Variants in RGS12 observed in about 807,000 individuals in gnomAD.
RGS12 encodes the protein regulator of G protein signaling 12.
A neutral mutation model predicts 120.1 loss-of-function variants in RGS12; 66 were observed. The ratio of observed to expected loss-of-function variants is 0.55; its 90% CI spans 0.45 to 0.67. The LOEUF (loss-of-function observed/expected upper bound fraction) is 0.67, where lower values mean the gene tolerates loss of function less well. Among genes scored for constraint, RGS12 ranks in the 30% least tolerant of loss-of-function variants. RGS12 has a pLI of 0.00. For missense variants in RGS12, 1,859 were observed against 1,957.7 expected (o/e 0.95, Z 0.95); for synonymous variants, 827 against 804.7 (o/e 1.03, Z -0.47).
intron 3 of RGS12, 129 bp from the exon 4 acceptor site, chr4:3,386,287 C>T (rs1718845998): frequency 4.6e-6 from 4 of 869,816 alleles, no homozygotes; most frequent in African/African-American, 3.4e-5. Context: ...TCCCGGGACA[C>T]CTCCACCTGG....
rs1196239736 is a variant in RGS12 at position 3,389,298 on chromosome 4, G to A, written c.2020+2861G>A. 1.3e-5 allele frequency among the ~76,000 whole-genome samples: 2 copies of A among 152,132 alleles called. No homozygotes were observed. Among genetic ancestry groups the A allele is most frequent in the Non-Finnish European group, 1.5e-5 (1 of 68,016 alleles). On this transcript the variant is annotated intron_variant, in intron 4 of 17. Coordinates refer to ENST00000336727, the MANE Select transcript of RGS12 (RefSeq NM_001394154.1). This position sits in a 1 kb window ranked among gnomAD's most constrained non-coding sequence, Gnocchi z 5.2. ...GTTACAGCTGGTCTCTGGGGGGCAC[G>A]GCAGGGCTGTGGGTGGGGGCAGGGA...
chr4:3,327,811 A>G (rs1414121702), intron 2 of RGS12, among the ~76,000 whole-genome samples: 1 of 152,238 alleles, frequency 6.6e-6, no homozygotes, highest in East Asian at 1.9e-4. Flanking sequence ...TACAACCTCC[A>G]TGGAAAACAG....
intron 3 of RGS12, among the ~76,000 whole-genome samples, chr4:3,367,296 C>T (rs767921775): frequency 6.6e-5 from 10 of 152,378 alleles, no homozygotes; most frequent in Middle Eastern, 6.8e-3. Context: ...GGGCTGAGAA[C>T]GGCTCGCCCT....
intron 3 of RGS12, among the ~76,000 whole-genome samples, chr4:3,380,664 C>A: frequency 6.6e-6 from 1 of 152,250 alleles, no homozygotes; most frequent in Admixed American, 6.5e-5. Context: ...GGCTTTCACC[C>A]TCTGAAGCAA....
chr4:3,299,522 G>T (rs1723560005), intron 1 of RGS12, among the ~76,000 whole-genome samples: 1 of 152,140 alleles, frequency 6.6e-6, no homozygotes, highest in Admixed American at 6.5e-5. Context: ...TGTCTGGTTG[G>T]AACTTGATTT....
chr4:3,370,061 C>G (rs1009681593), intron 3 of RGS12: 1 of 1,262,942 alleles, frequency 7.9e-7, no homozygotes, highest in Non-Finnish European at 1.0e-6. Flanking sequence ...ATGTAAACGG[C>G]GCTTCTTTCT....
At chr4:3,422,669 G>A (rs1412405225) in intron 11 of RGS12, 99 bp downstream of exon 11, 9 of 1,335,616 alleles carry the variant, frequency 6.7e-6, no homozygotes, top group Admixed American at 2.2e-5. Context: ...CCCCTCCTGC[G>A]CTCCTCATTT....
chr4:3,336,123 A>G (rs1418182383), intron 2 of RGS12, among the ~76,000 whole-genome samples: 1 of 152,004 alleles, frequency 6.6e-6, no homozygotes, highest in Non-Finnish European at 1.5e-5. Flanking sequence ...ACAAACAAAC[A>G]AAACCCAAGG....
intron 1 of RGS12, among the ~76,000 whole-genome samples, chr4:3,308,953 G>A (rs1210781186): frequency 1.3e-5 from 2 of 152,238 alleles, no homozygotes; most frequent in African/African-American, 2.4e-5. Flanking sequence ...TCCCAGACGC[G>A]GTCGGCACTC....
chr4:3,290,915 T>C (rs1324752942), upstream of RGS12, among the ~76,000 whole-genome samples: 1 of 152,224 alleles, frequency 6.6e-6, no homozygotes, highest in Non-Finnish European at 1.5e-5. Context: ...CTTGACACCT[T>C]CTCTCCGTCT....
chr4:3,286,942 C>T, the RGS12 span, among the ~76,000 whole-genome samples: 137 of 152,308 alleles, frequency 9.0e-4, 1 homozygote, highest in South Asian at 6.0e-3. Context: ...GGAGCTCCCT[C>T]GGGCTGGGGA....
At chr4:3,437,205 G>C (rs999946096) in intron 17 of RGS12, among the ~76,000 whole-genome samples, 2 of 152,306 alleles carry the variant, frequency 1.3e-5, no homozygotes, top group Non-Finnish European at 2.9e-5. Flanking sequence ...GCTGGCTCCC[G>C]TAGGCAGGAA....
intron 2 of RGS12, among the ~76,000 whole-genome samples, chr4:3,323,649 A>T (rs973294165): frequency 3.9e-5 from 6 of 152,206 alleles, no homozygotes; most frequent in Non-Finnish European, 8.8e-5. Context: ...TCCCCAGTTG[A>T]TGGCAACCTT....
intron 2 of RGS12, among the ~76,000 whole-genome samples, chr4:3,339,450 C>A (rs113465254): frequency 4.6e-5 from 7 of 152,026 alleles, no homozygotes; most frequent in Admixed American, 3.3e-4. Flanking sequence ...CCTCTCCCTC[C>A]GGCCTGGGCG....
chr4:3,429,863 C>T (rs1423628579), intron 16 of RGS12, among the ~76,000 whole-genome samples: 6 of 152,186 alleles, frequency 3.9e-5, no homozygotes, highest in Admixed American at 2.0e-4. Flanking sequence ...GAGGCAGTGA[C>T]CCCGAGAGGC....
At chr4:3,351,215 AAC>A (rs200289479) in intron 3 of RGS12, among the ~76,000 whole-genome samples, 3 of 152,032 alleles carry the variant, frequency 2.0e-5, no homozygotes, top group Non-Finnish European at 4.4e-5. Flanking sequence ...ATTAAAAAAA[AAC>A]AACAAAATTT....
chr4:3,400,554 T>G (rs1720476423), intron 4 of RGS12, among the ~76,000 whole-genome samples: 1 of 151,536 alleles, frequency 6.6e-6, no homozygotes, highest in Admixed American at 6.6e-5. Context: ...ACTCATTCCT[T>G]TTTTAAAAAG....
chr4:3,301,630 G>A (rs1017941077), intron 1 of RGS12, among the ~76,000 whole-genome samples: 2 of 129,290 alleles, frequency 1.5e-5, no homozygotes, highest in African/African-American at 6.6e-5. Flanking sequence ...TCCGAGGGCC[G>A]GGGATGGACA....
At position 3,374,894 on chromosome 4, in the gene RGS12, G is replaced by A. The variant is rs905401076; in HGVS notation, c.1999-11522G>A. ...TGGGCTCTGCGGGGCAGGGCTGCCAGTTTGGGGTTTGCATGTTGATTTTGT... is the reference window on the plus strand; with the variant it reads ...TGGGCTCTGCGGGGCAGGGCTGCCAATTTGGGGTTTGCATGTTGATTTTGT... On this transcript the variant is annotated intron_variant, in intron 3 of 17. Coordinates refer to ENST00000336727, the MANE Select transcript of RGS12 (RefSeq NM_001394154.1). The surrounding 1 kb of genome is among the most constrained non-coding windows in gnomAD (Gnocchi z 6.3). Among the ~76,000 whole-genome samples the A allele has an allele frequency of 6.6e-6, 1 of 152,192 alleles. No individual in the cohort carries two copies. Among genetic ancestry groups the A allele is most frequent in the Non-Finnish European group, 1.5e-5 (1 of 68,028 alleles).
Sources: allele counts gnomAD v4.1 joint callset (sites outside exome capture counted in the v4.1 genomes callset), GRCh38; gene constraint gnomAD v4.1.1; non-coding constraint Gnocchi (gnomAD v3.1); transcripts MANE v1.5; gene names NCBI Gene and HGNC (gene_info 2026-07-23, HGNC 2026-07-21).